Variants in WDR26 observed in about 807,000 individuals in gnomAD.
WDR26 encodes WD repeat domain 26.
WDR26 carries 5 observed loss-of-function variants against 84.1 expected under a neutral mutation model. That is an observed-to-expected ratio of 0.06 (90% CI 0.03 to 0.13). The LOEUF (loss-of-function observed/expected upper bound fraction) is 0.13. WDR26 is among the 10% of genes least tolerant of loss of function. WDR26 has a pLI of 1.00. For missense variants in WDR26, 642 were observed against 974.9 expected (o/e 0.66, Z 4.55); for synonymous variants, 415 against 389.6 (o/e 1.07, Z -0.77).
At chr1:224,405,098 T>C (rs769605433) in intron 7 of WDR26, among the ~76,000 whole-genome samples, 5 of 152,164 alleles carry the variant, frequency 3.3e-5, no homozygotes, top group Non-Finnish European at 7.4e-5. Context: ...TACCCCTCCC[T>C]GCAGCCCCTG....
rs763813782 is a variant in WDR26, at chr1:224,393,982, A to C, written c.2106T>G (p.Ser702Arg). The change falls in exon 13 of 14, where the codon AGT becomes AGG. Residue 702 changes from serine to arginine, a missense_variant. This residue lies in a region of WDR26 where 351 missense variants were observed against 672.8 expected (regional missense o/e 0.52). Transcript: ENST00000414423. ...CTGTCAGCTCCGCAATTGGCAGTTC[A>C]CTACGTTTGTGCCAGATGTAAACCT... The C allele has an allele frequency of 9.8e-6, 15 of 1,535,204 alleles. No individual in the cohort carries two copies. Among genetic ancestry groups the C allele is most frequent in the Non-Finnish European group, 1.3e-5 (15 of 1,121,526 alleles).
intron 3 of WDR26, chr1:224,430,229 A>G (rs1377085712): frequency 6.6e-6 from 1 of 152,138 alleles, no homozygotes; most frequent in Non-Finnish European, 1.5e-5. Context: ...ATGTTTAACT[A>G]TTTTAACTTC....
chr1:224,398,369 G>T, intron 11 of WDR26, 143 bp from the exon 12 acceptor site: 1 of 1,276,266 alleles, frequency 7.8e-7, no homozygotes, highest in Admixed American at 2.9e-5. Flanking sequence ...ATTTATGGTT[G>T]ATTATACACA....
At chr1:224,432,680 C>G (rs1439436120) in intron 1 of WDR26, among the ~76,000 whole-genome samples, 1 of 152,152 alleles carries the variant, frequency 6.6e-6, no homozygotes, top group Non-Finnish European at 1.5e-5. Context: ...CTCCCCACTC[C>G]CCAAGAAATC....
intron 3 of WDR26, among the ~76,000 whole-genome samples, chr1:224,426,400 T>C (rs1674211471): frequency 6.6e-6 from 1 of 152,180 alleles, no homozygotes; most frequent in East Asian, 1.9e-4. Flanking sequence ...TACATTTCTT[T>C]TGCTTGATAC....
Position 224,387,322 on chromosome 1 carries a change from C to T in WDR26, c.*2513G>A, listed in dbSNP as rs1319062343. The T allele has an allele frequency of 6.6e-6, 1 of 152,478 alleles. No individual in the cohort carries two copies. The highest frequency in any genetic ancestry group is 1.5e-5 in the Non-Finnish European group (1 of 67,992). 9.4% of individuals were successfully genotyped at this position (152,478 alleles called of 1,614,324 possible). On this transcript the variant is annotated 3_prime_UTR_variant, in exon 14 of 14. Coordinates refer to ENST00000414423, the MANE Select transcript of WDR26 (RefSeq NM_001379403.1). ...ACCATAAAATCCTAGGCTTCTTTAC[C>T]ATTGATTTCACCTTTCGAGCACAGT...
intron 6 of WDR26, among the ~76,000 whole-genome samples, chr1:224,416,226 T>C (rs1673898761): frequency 6.6e-6 from 1 of 151,850 alleles, no homozygotes; most frequent in Non-Finnish European, 1.5e-5. Context: ...ACTGCTTTTT[T>C]CTTTCTTTTT....
chr1:224,415,451 T>A (rs966931539), intron 6 of WDR26, among the ~76,000 whole-genome samples: 2 of 111,128 alleles, frequency 1.8e-5, no homozygotes, highest in African/African-American at 7.1e-5. Context: ...ACGTATTTCT[T>A]TCTTTTTTTT....
chr1:224,420,765 T>C (rs1468824681), intron 4 of WDR26, among the ~76,000 whole-genome samples: 1 of 152,128 alleles, frequency 6.6e-6, no homozygotes, highest in Non-Finnish European at 1.5e-5. Flanking sequence ...AGCTATTGTG[T>C]TTTTTTGTAT....
intron 7 of WDR26, among the ~76,000 whole-genome samples, chr1:224,406,242 A>G (rs780753764): frequency 9.2e-5 from 14 of 152,244 alleles, no homozygotes; most frequent in Non-Finnish European, 1.5e-4. Flanking sequence ...ATAACAAAAA[A>G]TCTTCAAAGA....
intron 8 of WDR26, 30 bp from the exon 9 acceptor site, chr1:224,401,099 C>A: frequency 1.3e-6 from 2 of 1,594,154 alleles, no homozygotes; most frequent in Non-Finnish European, 8.5e-7. Flanking sequence ...TAAATGAGAC[C>A]TTCAAGATAC....
Position 224,433,678 on chromosome 1 carries a change from A to G in WDR26, c.722+6T>C. The G allele has an allele frequency of 6.9e-7, 1 of 1,444,140 alleles. No individual in the cohort carries two copies. The highest frequency in any genetic ancestry group is 1.4e-5 in the African/African-American group (1 of 69,800). The allele number at this position is 1,444,140 out of a possible 1,614,324, so 89.5% of individuals were successfully genotyped here. A position where few individuals can be genotyped will look rare whatever the true frequency, so the allele number is the denominator to read the frequency against. On this transcript the variant is annotated splice_donor_region_variant and intron_variant, in intron 1 of 13. Coordinates refer to ENST00000414423, the MANE Select transcript of WDR26 (RefSeq NM_001379403.1). ...CCATCACCAGCTGGCGGTAAGGGAT[A>G]CTTACTTGAGCCCTAAGCCATTCAA... is the stretch of plus-strand genomic sequence containing the variant.
intron 3 of WDR26, among the ~76,000 whole-genome samples, chr1:224,428,152 A>C (rs938583938): frequency 1.1e-4 from 17 of 152,200 alleles, no homozygotes; most frequent in Admixed American, 9.8e-4. Context: ...TGATAGTTTC[A>C]CGTCGTAAAT....
At chr1:224,405,170 T>C (rs1022068995) in intron 7 of WDR26, among the ~76,000 whole-genome samples, 3 of 152,210 alleles carry the variant, frequency 2.0e-5, no homozygotes, top group Non-Finnish European at 4.4e-5. Context: ...TTCACATAAA[T>C]AGGCTTATAC....
At chr1:224,430,592 G>A (rs1004882846) in intron 3 of WDR26, 3 of 152,106 alleles carry the variant, frequency 2.0e-5, no homozygotes, top group African/African-American at 7.2e-5. Flanking sequence ...AAATGTAATA[G>A]TCATTTACTA....
chr1:224,413,209 C>G, intron 6 of WDR26: 54 of 639,822 alleles, frequency 8.4e-5, no homozygotes, highest in East Asian at 9.4e-5. Flanking sequence ...CAACAAAAAC[C>G]CCCCCCCCCA....
intron 13 of WDR26, among the ~76,000 whole-genome samples, chr1:224,390,536 C>T (rs751507002): frequency 6.6e-5 from 10 of 152,202 alleles, no homozygotes; most frequent in Non-Finnish European, 1.2e-4. Context: ...GGTAGAATAA[C>T]GTGTTATAAC....
chr1:224,400,880 A>G, intron 9 of WDR26, 70 bp downstream of exon 9: 1 of 1,575,464 alleles, frequency 6.3e-7, no homozygotes, highest in Non-Finnish European at 8.6e-7. Context: ...TGAGTCAAGG[A>G]AATTGTTTAA....
In WDR26 at chr1:224,393,976, C is replaced by T; in HGVS notation, c.2112G>A (p.Leu704=). The T allele has an allele frequency of 6.5e-7, 1 of 1,537,756 alleles. No individual in the cohort carries two copies. ...TGTGCCCTGTCAGCTCCGCAATTGG[C>T]AGTTCACTACGTTTGTGCCAGATGT... The change falls in exon 13 of 14, where the codon CTG becomes CTA. Residue 704 remains leucine (L), a synonymous_variant. Transcript: ENST00000414423.
Sources: gnomAD v4.1 joint callset for allele counts (sites outside exome capture counted in the v4.1 genomes callset) on GRCh38, gnomAD v4.1.1 for gene constraint, gnomAD v4.1.1 regional missense constraint, MANE v1.5 for transcripts, NCBI Gene and HGNC (gene_info 2026-07-23, HGNC 2026-07-21) for gene names.